The following GALNT13 variants were observed in gnomAD, a reference collection of about 807,000 sequenced individuals.
GALNT13 encodes polypeptide N-acetylgalactosaminyltransferase 13, also known as UDP-GalNAc:polypeptide N-acetylgalactosaminyltransferase 13.
A neutral mutation model predicts 64.2 loss-of-function variants in GALNT13; 28 were observed. That is an observed-to-expected ratio of 0.44 (90% CI 0.32 to 0.60). GALNT13 has a LOEUF of 0.60. Ranked by LOEUF, GALNT13 falls within the 20% of genes least tolerant of loss-of-function variation. GALNT13 has a pLI of 0.05. For missense variants in GALNT13, 577 were observed against 669.8 expected (o/e 0.86, Z 1.53); for synonymous variants, 214 against 224.6 (o/e 0.95, Z 0.42).
At chr2:153,727,814 G>C in the GALNT13 span, among the ~76,000 whole-genome samples, 23 of 152,064 alleles carry the variant, frequency 1.5e-4, no homozygotes, top group African/African-American at 5.3e-4. Flanking sequence ...GTGCCACAGT[G>C]GTTTGCTGAG....
the GALNT13 span, among the ~76,000 whole-genome samples, chr2:153,343,181 C>T: frequency 6.6e-6 from 1 of 152,106 alleles, no homozygotes; most frequent in African/African-American, 2.4e-5. Context: ...ACTATGATTA[C>T]AGGAAAAATG....
At chr2:153,366,354 C>A in the GALNT13 span, among the ~76,000 whole-genome samples, 1 of 151,954 alleles carries the variant, frequency 6.6e-6, no homozygotes, top group South Asian at 2.1e-4. Flanking sequence ...ACACATTTAC[C>A]ATGTAACAAA....
At chr2:153,233,455 A>C in the GALNT13 span, among the ~76,000 whole-genome samples, 3 of 150,848 alleles carry the variant, frequency 2.0e-5, no homozygotes, top group African/African-American at 7.3e-5. Context: ...GTGCCTTTAG[A>C]GCTATTCTCA....
the GALNT13 span, among the ~76,000 whole-genome samples, chr2:153,313,488 CTAAA>C: frequency 1.3e-5 from 2 of 149,582 alleles, no homozygotes; most frequent in Admixed American, 6.8e-5. Flanking sequence ...TAAGGGGAAA[CTAAA>C]TGATGAGAAC....
the GALNT13 span, among the ~76,000 whole-genome samples, chr2:153,540,861 A>C: frequency 6.6e-6 from 1 of 152,198 alleles, no homozygotes; most frequent in Non-Finnish European, 1.5e-5. Context: ...CTAGAAAGTA[A>C]GTAACTTGCT....
chr2:154,149,591 C>G (rs1208867241), intron 4 of GALNT13, among the ~76,000 whole-genome samples: 1 of 152,152 alleles, frequency 6.6e-6, no homozygotes, highest in Non-Finnish European at 1.5e-5. Flanking sequence ...TTTGTATCCT[C>G]TTTTATTTCC....
chr2:153,649,277 G>A, the GALNT13 span, among the ~76,000 whole-genome samples: 2 of 152,148 alleles, frequency 1.3e-5, no homozygotes, highest in African/African-American at 4.8e-5. Flanking sequence ...ATTCTCTGAT[G>A]GTAGTTTCTA....
At chr2:154,316,105 A>C (rs535611550) in intron 9 of GALNT13, among the ~76,000 whole-genome samples, 16 of 152,190 alleles carry the variant, frequency 1.1e-4, no homozygotes, top group Non-Finnish European at 1.9e-4. Context: ...TTAAAAAAAA[A>C]TTTAAAAATC....
At chr2:153,302,414 TG>T in the GALNT13 span, among the ~76,000 whole-genome samples, 1 of 152,174 alleles carries the variant, frequency 6.6e-6, no homozygotes, top group African/African-American at 2.4e-5. Context: ...TTTTTGTTTT[TG>T]TTTTTTTACT....
At chr2:154,070,060 T>G (rs974554977) in intron 3 of GALNT13, among the ~76,000 whole-genome samples, 1 of 152,144 alleles carries the variant, frequency 6.6e-6, no homozygotes, top group Non-Finnish European at 1.5e-5. Flanking sequence ...AGTTTTCTTC[T>G]TGAGGATTGA....
intron 10 of GALNT13, among the ~76,000 whole-genome samples, chr2:154,401,890 A>G (rs1025492367): frequency 6.6e-6 from 1 of 152,168 alleles, no homozygotes; most frequent in African/African-American, 2.4e-5. Context: ...CCATAAGTGA[A>G]GTCAACTTGA....
At chr2:154,094,429 A>G (rs1055726381) in intron 3 of GALNT13, among the ~76,000 whole-genome samples, 7 of 152,018 alleles carry the variant, frequency 4.6e-5, no homozygotes, top group Admixed American at 2.6e-4. Context: ...CTCATTTTAT[A>G]ACACAATGGG....
the GALNT13 span, among the ~76,000 whole-genome samples, chr2:153,657,144 G>A: frequency 1.3e-5 from 2 of 152,112 alleles, no homozygotes; most frequent in Non-Finnish European, 2.9e-5. Flanking sequence ...TTGAGATAAT[G>A]TGAAATCCGT....
intron 8 of GALNT13, among the ~76,000 whole-genome samples, chr2:154,280,518 A>T (rs1027070990): frequency 3.9e-5 from 6 of 152,220 alleles, no homozygotes; most frequent in Admixed American, 3.9e-4. Context: ...TTACACAGGA[A>T]ATTTAATTGA....
chr2:154,201,255 G>A (rs961066955), intron 4 of GALNT13, among the ~76,000 whole-genome samples: 16 of 152,120 alleles, frequency 1.1e-4, no homozygotes, highest in Admixed American at 7.9e-4. Context: ...AGTCTTCCAT[G>A]AATGTGTATT....
At chr2:153,574,665 C>T in the GALNT13 span, among the ~76,000 whole-genome samples, 28 of 151,824 alleles carry the variant, frequency 1.8e-4, 1 homozygote, top group South Asian at 5.8e-3. Context: ...ATGCCAATTG[C>T]ATTCTTTTCA....
intron 3 of GALNT13, among the ~76,000 whole-genome samples, chr2:154,060,422 C>G (rs1419641679): frequency 6.6e-6 from 1 of 152,088 alleles, no homozygotes; most frequent in Non-Finnish European, 1.5e-5. Context: ...GTGGCGTGAT[C>G]TCATCTCGTT....
intron 11 of GALNT13, among the ~76,000 whole-genome samples, chr2:154,432,036 A>G (rs1700735433): frequency 6.6e-6 from 1 of 152,194 alleles, no homozygotes; most frequent in Admixed American, 6.5e-5. Flanking sequence ...ACAGAGATTA[A>G]AAGGAATTGA....
intron 9 of GALNT13, among the ~76,000 whole-genome samples, chr2:154,391,728 A>G (rs746165116): frequency 6.6e-6 from 1 of 152,230 alleles, no homozygotes; most frequent in African/African-American, 2.4e-5. Context: ...AGTAGTCACA[A>G]TATCTTGTAA....
Sources: allele counts gnomAD v4.1 joint callset (sites outside exome capture counted in the v4.1 genomes callset), GRCh38; gene constraint gnomAD v4.1.1; transcripts MANE v1.5; gene names NCBI Gene and HGNC (gene_info 2026-07-23, HGNC 2026-07-21).